EVI5: variants seen among roughly 807,000 people sequenced by gnomAD.
EVI5 encodes the protein ecotropic viral integration site 5 protein homolog.
EVI5 carries 73 observed loss-of-function variants against 112.0 expected under a neutral mutation model. That is an observed-to-expected ratio of 0.65 (90% CI 0.54 to 0.79). The LOEUF (loss-of-function observed/expected upper bound fraction) is 0.79. Ranked by LOEUF, EVI5 falls within the 30% of genes least tolerant of loss-of-function variation. The pLI, the probability that EVI5 is intolerant of heterozygous loss-of-function variation, is 0.00. For synonymous variants in EVI5, 305 were observed against 319.9 expected, an observed-to-expected ratio of 0.95 and a Z score of 0.50; for missense variants, 900 against 968.8, an observed-to-expected ratio of 0.93 and a Z score of 0.94.
chr1:92,745,094 G>A (rs1679061863), intron 1 of EVI5, among the ~76,000 whole-genome samples: 1 of 147,972 alleles, frequency 6.8e-6, no homozygotes. Flanking sequence ...ACCATGCCAG[G>A]CTAATTTTTT....
At chr1:92,783,286 A>T (rs1272936061) in intron 1 of EVI5, among the ~76,000 whole-genome samples, 1 of 150,906 alleles carries the variant, frequency 6.6e-6, no homozygotes, top group Non-Finnish European at 1.5e-5. Flanking sequence ...AGCACTTTCG[A>T]AGGCCGAGGC....
At chr1:92,780,154 G>T (rs1684680971) in intron 1 of EVI5, among the ~76,000 whole-genome samples, 1 of 152,180 alleles carries the variant, frequency 6.6e-6, no homozygotes, top group Non-Finnish European at 1.5e-5. Flanking sequence ...TTTTACAGGG[G>T]GCTTCACCCT....
chr1:92,791,641 A>C (rs570137905), intron 1 of EVI5, among the ~76,000 whole-genome samples: 1 of 152,306 alleles, frequency 6.6e-6, no homozygotes, highest in East Asian at 1.9e-4. Flanking sequence ...TAAGAGTCCC[A>C]ATCATAGATG....
intron 13 of EVI5, among the ~76,000 whole-genome samples, chr1:92,657,507 T>A (rs539539911): frequency 6.6e-6 from 1 of 151,530 alleles, no homozygotes; most frequent in East Asian, 1.9e-4. Context: ...TACAAAAAAT[T>A]CAAAAATTAA....
intron 1 of EVI5, among the ~76,000 whole-genome samples, chr1:92,763,584 T>C (rs1009880030): frequency 2.0e-5 from 3 of 152,052 alleles, no homozygotes; most frequent in African/African-American, 7.2e-5. Context: ...CACTACACTC[T>C]GGCCTGGGTG....
intron 2 of EVI5, among the ~76,000 whole-genome samples, chr1:92,715,166 CA>C: frequency 6.6e-6 from 1 of 152,044 alleles, no homozygotes; most frequent in South Asian, 2.1e-4. Context: ...CCACCATGTC[CA>C]GCTAATTTTT....
At chr1:92,598,164 C>A (rs1448287463) in intron 18 of EVI5, among the ~76,000 whole-genome samples, 1 of 151,986 alleles carries the variant, frequency 6.6e-6, no homozygotes, top group African/African-American at 2.4e-5. Context: ...ATGAATAAGA[C>A]AGATAAAAAT....
chr1:92,717,046 G>C (rs1357584946), intron 2 of EVI5, among the ~76,000 whole-genome samples: 2 of 151,796 alleles, frequency 1.3e-5, no homozygotes, highest in Admixed American at 1.3e-4. Flanking sequence ...AAAAAGATTA[G>C]ACGAATGGCT....
At chr1:92,735,109 C>T (rs1390169817) in intron 2 of EVI5, among the ~76,000 whole-genome samples, 1 of 152,032 alleles carries the variant, frequency 6.6e-6, no homozygotes, top group Non-Finnish European at 1.5e-5. Flanking sequence ...CATTCCATTC[C>T]AAGAGAAATG....
At chr1:92,559,299 A>G (rs1557784335) in intron 19 of EVI5, among the ~76,000 whole-genome samples, 1 of 152,304 alleles carries the variant, frequency 6.6e-6, no homozygotes, top group Admixed American at 6.5e-5. Context: ...GATACAGAGG[A>G]CCAATTGCAA....
intron 1 of EVI5, among the ~76,000 whole-genome samples, chr1:92,759,157 A>C (rs1681422033): frequency 6.6e-6 from 1 of 152,172 alleles, no homozygotes; most frequent in African/African-American, 2.4e-5. Context: ...CAGGGGGCAG[A>C]GGTTACAGTG....
At chr1:92,594,319 G>T (rs1246269984) in intron 18 of EVI5, among the ~76,000 whole-genome samples, 2 of 151,912 alleles carry the variant, frequency 1.3e-5, no homozygotes, top group African/African-American at 2.4e-5. Flanking sequence ...ATGAGGAAAG[G>T]ATTCCCTGTT....
rs1271448662 is a variant in EVI5, at chr1:92,669,473, A to G, written c.1159-3481T>C. 2.8e-5 allele frequency among the ~76,000 whole-genome samples: 4 copies of G among 141,592 alleles called. No individual in the cohort carries two copies. In the Admixed American group the frequency reaches 3.0e-4, roughly 11 times the overall value. The allele number at this position is 141,592 out of a possible 152,430, so 92.9% of individuals were successfully genotyped here. ...TGAGGCAGGAGAATCACTTGAATCC[A>G]GGAGGTGAAGGTTGCAGTGAGCCAA... On this transcript the variant is annotated intron_variant, in intron 10 of 19. Coordinates refer to ENST00000684568, the MANE Select transcript of EVI5 (RefSeq NM_001350197.2).
intron 16 of EVI5, among the ~76,000 whole-genome samples, chr1:92,617,065 C>T (rs1241534388): frequency 6.6e-6 from 1 of 152,194 alleles, no homozygotes; most frequent in Non-Finnish European, 1.5e-5. Flanking sequence ...GATCAGCTGA[C>T]AGAGGAAGAG....
At chr1:92,561,159 AT>A (rs1266505353) in intron 19 of EVI5, among the ~76,000 whole-genome samples, 1 of 152,134 alleles carries the variant, frequency 6.6e-6, no homozygotes, top group Non-Finnish European at 1.5e-5. Flanking sequence ...GGAAAGAGAT[AT>A]TTTTATGGTA....
At chr1:92,559,169 GT>G (rs1223725942) in intron 19 of EVI5, among the ~76,000 whole-genome samples, 2 of 152,112 alleles carry the variant, frequency 1.3e-5, no homozygotes, top group Admixed American at 1.3e-4. Context: ...ATACTGTATT[GT>G]TTAGGGAATA....
At chr1:92,528,330 T>TAC (rs1443520330) in intron 19 of EVI5, among the ~76,000 whole-genome samples, 1 of 152,222 alleles carries the variant, frequency 6.6e-6, no homozygotes, top group Non-Finnish European at 1.5e-5. Flanking sequence ...AGAATAACTA[T>TAC]ACACTTCAGT....
At chr1:92,768,996 T>C (rs1004795356) in intron 1 of EVI5, among the ~76,000 whole-genome samples, 1 of 152,214 alleles carries the variant, frequency 6.6e-6, no homozygotes, top group Non-Finnish European at 1.5e-5. Flanking sequence ...CTTTTCACTC[T>C]TTCCTTTCTC....
intron 10 of EVI5, among the ~76,000 whole-genome samples, chr1:92,669,754 T>C (rs1665545926): frequency 1.3e-5 from 2 of 152,220 alleles, no homozygotes; most frequent in South Asian, 2.1e-4. Context: ...TTGAACTGTT[T>C]ATTGACGATA....
Sources: allele counts gnomAD v4.1 joint callset (sites outside exome capture counted in the v4.1 genomes callset), GRCh38; gene constraint gnomAD v4.1.1; transcripts MANE v1.5; gene names NCBI Gene and HGNC (gene_info 2026-07-23, HGNC 2026-07-21).